Variants in DPYD observed in about 807,000 individuals in gnomAD.
DPYD encodes the protein dihydropyrimidine dehydrogenase.
In DPYD, 109 loss-of-function variants were observed where a neutral mutation model predicts 116.2. That is an observed-to-expected ratio of 0.94 (90% CI 0.80 to 1.10). DPYD has a LOEUF of 1.10. Among genes scored for constraint, DPYD ranks in the 50% least tolerant of loss-of-function variants. DPYD has a pLI of 0.00. For synonymous variants in DPYD, 440 were observed against 432.0 expected, an observed-to-expected ratio of 1.02 and a Z score of -0.23; for missense variants, 1,302 against 1,254.5, an observed-to-expected ratio of 1.04 and a Z score of -0.57.
chr1:97,773,317 G>A (rs1237325323), intron 3 of DPYD, among the ~76,000 whole-genome samples: 1 of 152,116 alleles, frequency 6.6e-6, no homozygotes, highest in Non-Finnish European at 1.5e-5. Flanking sequence ...TTTCCTCTGA[G>A]CTTATTTCCA....
intron 5 of DPYD, among the ~76,000 whole-genome samples, chr1:97,716,873 A>T (rs1439529972): frequency 1.3e-5 from 2 of 152,062 alleles, no homozygotes; most frequent in Non-Finnish European, 2.9e-5. Flanking sequence ...TGTTCAATCT[A>T]AAGCAAATAA....
At chr1:97,219,155 T>C (rs927510723) in intron 19 of DPYD, among the ~76,000 whole-genome samples, 1 of 152,166 alleles carries the variant, frequency 6.6e-6, no homozygotes, top group East Asian at 1.9e-4. Context: ...AGAAAAGTTA[T>C]AAAGAATTGG....
At chr1:97,658,173 T>C (rs914954319) in intron 8 of DPYD, among the ~76,000 whole-genome samples, 1 of 152,192 alleles carries the variant, frequency 6.6e-6, no homozygotes, top group African/African-American at 2.4e-5. Flanking sequence ...CACACTTAAA[T>C]TAGTTTTATG....
intron 8 of DPYD, among the ~76,000 whole-genome samples, chr1:97,643,698 G>A (rs1049461200): frequency 2.6e-5 from 4 of 152,132 alleles, no homozygotes; most frequent in Admixed American, 2.6e-4. Flanking sequence ...GGCCATCAAT[G>A]ATAGACTGGA....
At chr1:97,587,366 A>T (rs1654197761) in intron 10 of DPYD, among the ~76,000 whole-genome samples, 1 of 152,202 alleles carries the variant, frequency 6.6e-6, no homozygotes. Flanking sequence ...AAGAACACCA[A>T]CTCAAATGAC....
At chr1:97,334,877 C>T (rs550474136) in intron 16 of DPYD, among the ~76,000 whole-genome samples, 1 of 152,028 alleles carries the variant, frequency 6.6e-6, no homozygotes, top group Non-Finnish European at 1.5e-5. Flanking sequence ...GAATTTGTGC[C>T]GCCACCTAAG....
At chr1:97,707,591 A>G (rs1662049762) in intron 5 of DPYD, among the ~76,000 whole-genome samples, 1 of 151,658 alleles carries the variant, frequency 6.6e-6, no homozygotes, top group Admixed American at 6.6e-5. Context: ...ATGATTTCCA[A>G]TTTCATCCAT....
At chr1:97,634,707 T>C (rs1393812243) in intron 8 of DPYD, among the ~76,000 whole-genome samples, 2 of 151,954 alleles carry the variant, frequency 1.3e-5, no homozygotes, top group Admixed American at 6.6e-5. Flanking sequence ...AGAAACACTA[T>C]TTGAAAAAAT....
intron 18 of DPYD, among the ~76,000 whole-genome samples, chr1:97,272,998 C>G (rs938825627): frequency 6.6e-6 from 1 of 152,030 alleles, no homozygotes. Context: ...ATGTACAAAA[C>G]TTTCAACCCT....
chr1:97,638,476 T>C (rs937429999), intron 8 of DPYD, among the ~76,000 whole-genome samples: 6 of 152,158 alleles, frequency 3.9e-5, no homozygotes, highest in Non-Finnish European at 7.4e-5. Flanking sequence ...ATTGATCATA[T>C]AGACTAAGCC....
At chr1:97,285,363 C>T (rs895843072) in intron 18 of DPYD, among the ~76,000 whole-genome samples, 3 of 152,088 alleles carry the variant, frequency 2.0e-5, no homozygotes, top group African/African-American at 7.2e-5. Flanking sequence ...ATCCTGCTTG[C>T]CTTAAAGTAG....
intron 3 of DPYD, among the ~76,000 whole-genome samples, chr1:97,783,865 C>T (rs755235666): frequency 3.3e-5 from 5 of 152,178 alleles, no homozygotes; most frequent in Non-Finnish European, 7.3e-5. Flanking sequence ...ATCATGGTAA[C>T]AGAAAGCATC....
At chr1:97,651,884 A>T (rs1400510368) in intron 8 of DPYD, among the ~76,000 whole-genome samples, 3 of 152,144 alleles carry the variant, frequency 2.0e-5, no homozygotes, top group African/African-American at 7.2e-5. Flanking sequence ...AGATTCAGAG[A>T]TATATTTTTT....
At chr1:97,370,229 T>C (rs555044388) in intron 16 of DPYD, among the ~76,000 whole-genome samples, 2 of 152,270 alleles carry the variant, frequency 1.3e-5, no homozygotes, top group East Asian at 1.9e-4. Flanking sequence ...CATGGAATAC[T>C]ATGCAGCCAT....
chr1:97,501,178 A>G lies in DPYD; in HGVS notation c.1740+14548T>C, dbSNP rs574641590. The stretch of plus-strand genomic sequence containing the variant: ...AAAAAATCAATATGGAGCCTGTCCA[A>G]TTACTGAACTGTTTATAAACTTGTC... On this transcript the variant is annotated intron_variant, in intron 13 of 22. Coordinates refer to ENST00000370192, the MANE Select transcript of DPYD (RefSeq NM_000110.4). Among the ~76,000 whole-genome samples, 9 of 152,182 alleles carry G rather than the reference A, an allele frequency of 5.9e-5. No homozygotes were observed. In the South Asian group the frequency reaches 1.9e-3, roughly 32 times the overall value.
At chr1:97,139,265 A>C (rs1215838054) in intron 20 of DPYD, among the ~76,000 whole-genome samples, 1 of 152,142 alleles carries the variant, frequency 6.6e-6, no homozygotes, top group African/African-American at 2.4e-5. Flanking sequence ...CTGATGCTGT[A>C]GCTGGATTTC....
At chr1:97,681,783 A>C (rs1660440357) in intron 7 of DPYD, among the ~76,000 whole-genome samples, 1 of 152,162 alleles carries the variant, frequency 6.6e-6, no homozygotes, top group African/African-American at 2.4e-5. Flanking sequence ...ATATATAATA[A>C]AGGTTAGACA....
At chr1:97,442,873 C>T (rs1001800599) in intron 14 of DPYD, among the ~76,000 whole-genome samples, 1 of 152,154 alleles carries the variant, frequency 6.6e-6, no homozygotes, top group African/African-American at 2.4e-5. Context: ...TGCCAAATCT[C>T]CCTTTCACAA....
chr1:97,773,988 C>G lies in DPYD; in HGVS notation c.234-33509G>C, dbSNP rs565500012. Among the ~76,000 whole-genome samples, 27 of 152,180 alleles carry G rather than the reference C, an allele frequency of 1.8e-4. 1 individual carries two copies. The highest frequency in any genetic ancestry group is 2.1e-4 in the Non-Finnish European group (14 of 68,032). On this transcript the variant is annotated intron_variant, in intron 3 of 22. Transcript: ENST00000370192. ...GATTAACACAAGCTGCCTGTGGACA[C>G]CTAAGCTGAAAGCACACTGTAACAC...
Sources: allele counts gnomAD v4.1 joint callset (sites outside exome capture counted in the v4.1 genomes callset), GRCh38; gene constraint gnomAD v4.1.1; transcripts MANE v1.5; gene names NCBI Gene and HGNC (gene_info 2026-07-23, HGNC 2026-07-21).